The following APOL2 variants were observed in gnomAD, a reference collection of about 807,000 sequenced individuals.
APOL2 encodes the protein apolipoprotein L, 2.
A neutral mutation model predicts 7.1 loss-of-function variants in APOL2; 8 were observed. The ratio of observed to expected loss-of-function variants is 1.12; its 90% CI spans 0.66 to 2.03. The LOEUF (loss-of-function observed/expected upper bound fraction) is 2.03, where lower values mean the gene tolerates loss of function less well. APOL2 is among the 30% of genes most tolerant of loss of function. The pLI is 0.00. For missense variants in APOL2, 471 were observed against 415.1 expected (o/e 1.13, Z -1.17); for synonymous variants, 177 against 159.9 (o/e 1.11, Z -0.81).
At position 36,226,264 on chromosome 22, in the gene APOL2, C is replaced by A. The variant is rs563386436; in HGVS notation, c.*1140G>T. The stretch of plus-strand genomic sequence containing the variant: ...CACACAGGTCAATCCTGGGCAGCGA[C>A]AGGACAGCTCTAGAGATCTGTGCTT... On this transcript the variant is annotated 3_prime_UTR_variant, in exon 5 of 5. Coordinates refer to ENST00000358502, the MANE Select transcript of APOL2 (RefSeq NM_030882.4). 6.6e-6 allele frequency: 1 copy of A among 152,416 alleles called. No individual in the cohort carries two copies. Among genetic ancestry groups the A allele is most frequent in the East Asian group, 1.9e-4 (1 of 5,190 alleles). 9.4% of individuals were successfully genotyped at this position (152,416 alleles called of 1,614,324 possible). A position where few individuals can be genotyped will look rare whatever the true frequency, so the allele number is the denominator to read the frequency against.
chr22:36,232,435 G>C (rs2015254549), intron 3 of APOL2, among the ~76,000 whole-genome samples: 1 of 152,244 alleles, frequency 6.6e-6, no homozygotes, highest in Non-Finnish European at 1.5e-5. Flanking sequence ...ATCAACAGGG[G>C]ATAGATAGAG....
At chr22:36,230,909 A>G (rs11703957) in intron 4 of APOL2, among the ~76,000 whole-genome samples, 33,345 of 152,188 alleles carry the variant, frequency 0.22, 3,874 homozygotes, top group Middle Eastern at 0.26. Flanking sequence ...CTGGGCTCCC[A>G]TCTTCAAGAA....
intron 1 of APOL2, among the ~76,000 whole-genome samples, chr22:36,238,331 A>G (rs2015479817): frequency 6.6e-6 from 1 of 152,202 alleles, no homozygotes; most frequent in East Asian, 1.9e-4. Flanking sequence ...CTTGATGGGC[A>G]TCTCTTTTTG....
chr22:36,231,289 T>C, intron 4 of APOL2, 51 bp downstream of exon 4: 1 of 1,600,622 alleles, frequency 6.2e-7, no homozygotes, highest in Non-Finnish European at 8.5e-7. Context: ...CCAGGGGAGA[T>C]CTGAGTGGCA....
rs56009920 is a variant in APOL2, at chr22:36,227,315, CAAAAAAAAAA to C, written c.*79_*88del. 157 of 960,986 alleles carry C rather than the reference CAAAAAAAAAA, an allele frequency of 1.6e-4. No individual in the cohort carries two copies. The highest frequency in any genetic ancestry group is 1.1e-3 in the South Asian group (56 of 51,958). The allele number at this position is 960,986 out of a possible 1,614,324, so 59.5% of individuals were successfully genotyped here. ...TGGGCGATAGAGCGAGACTCCATCT[CAAAAAAAAAA>C]AAAAAAAAAAAAAAAAGTCTGCATT... On this transcript the variant is annotated 3_prime_UTR_variant, in exon 5 of 5. Coordinates refer to ENST00000358502, the MANE Select transcript of APOL2 (RefSeq NM_030882.4).
chr22:36,239,353 C>G, intron 1 of APOL2, 88 bp downstream of exon 1: 1 of 1,415,286 alleles, frequency 7.1e-7, no homozygotes, highest in Non-Finnish European at 9.5e-7. Flanking sequence ...CCTCTCTGAG[C>G]TTATCTACAA....
intron 1 of APOL2, 42 bp downstream of exon 1, chr22:36,239,399 A>G (rs1974458): frequency 0.28 from 422,861 of 1,502,504 alleles, 60,327 homozygotes; most frequent in Middle Eastern, 0.4. Flanking sequence ...AGCTATTGCA[A>G]GAATAAGGAC....
intron 1 of APOL2, among the ~76,000 whole-genome samples, chr22:36,235,324 C>T (rs149502551): frequency 1.9e-4 from 29 of 152,262 alleles, no homozygotes; most frequent in Non-Finnish European, 2.6e-4. Flanking sequence ...CCCCCCACCC[C>T]GTTCAATATG....
intron 3 of APOL2, among the ~76,000 whole-genome samples, chr22:36,232,291 G>T (rs2015249504): frequency 6.6e-6 from 1 of 152,066 alleles, no homozygotes; most frequent in African/African-American, 2.4e-5. Flanking sequence ...ATTTTTCTTT[G>T]ACAAGGGGTA....
chr22:36,239,815 G>GT, upstream of APOL2: 1 of 402,906 alleles, frequency 2.5e-6, no homozygotes, highest in African/African-American at 2.0e-5. Flanking sequence ...AGCCTGGGGA[G>GT]TTTTTTGAAC....
At chr22:36,229,537 A>G (rs1251492099) in intron 4 of APOL2, among the ~76,000 whole-genome samples, 1 of 152,230 alleles carries the variant, frequency 6.6e-6, no homozygotes, top group Non-Finnish European at 1.5e-5. Flanking sequence ...AAATCCTCCC[A>G]GACTCTGCCC....
chr22:36,233,183 C>CG lies in APOL2; in HGVS notation c.-22dup, dbSNP rs1569532723. 1 of 1,614,038 alleles carries CG rather than the reference C, an allele frequency of 6.2e-7. No homozygotes were observed. Among genetic ancestry groups the CG allele is most frequent in the South Asian group, 1.1e-5 (1 of 91,076 alleles). On this transcript the variant is annotated 5_prime_UTR_variant, in exon 3 of 5. Coordinates refer to ENST00000358502, the MANE Select transcript of APOL2 (RefSeq NM_030882.4). ...TTCATGGTGCCAGCGGCTGGGTTAC[C>CG]GAGGGGCTTTCCTTGGAGCTCTCCA...
chr22:36,239,078 C>G (rs2015511694), intron 1 of APOL2: 2 of 1,134,130 alleles, frequency 1.8e-6, no homozygotes, highest in South Asian at 2.8e-5. Context: ...ACCTCCCCTC[C>G]TCCACCTTCT....
intron 1 of APOL2, among the ~76,000 whole-genome samples, chr22:36,235,742 AGGGTGGGTGGGT>A (rs58628004): frequency 5.2e-4 from 58 of 111,528 alleles, no homozygotes; most frequent in South Asian, 9.4e-4. Flanking sequence ...GGAGGAAGAA[AGGGTGGGTGGGT>A]GGGTGTGTGT....
upstream of APOL2, chr22:36,239,864 T>G: frequency 3.6e-6 from 1 of 274,154 alleles, no homozygotes; most frequent in Non-Finnish European, 7.1e-6. Flanking sequence ...CGCCCCGATC[T>G]CTGCAGTTTA....
Position 36,238,112 on chromosome 22 carries a change from A to G in APOL2, c.-134+1329T>C, listed in dbSNP as rs574878368. On this transcript the variant is annotated intron_variant, in intron 1 of 4. Coordinates refer to ENST00000358502, the MANE Select transcript of APOL2 (RefSeq NM_030882.4). Reference sequence around the variant, plus strand: ...CTTTGGGCCTCTGTCTCCCCTTTAGACTCTGAACATTCAATGGGGACACTG... The same window carrying G: ...CTTTGGGCCTCTGTCTCCCCTTTAGGCTCTGAACATTCAATGGGGACACTG... Among the ~76,000 whole-genome samples the G allele has an allele frequency of 4.6e-4, 70 of 151,902 alleles. 1 individual carries two copies. Among genetic ancestry groups the G allele is most frequent in the African/African-American group, 1.5e-3 (63 of 41,372 alleles).
chr22:36,227,315 CAAAAAAAAAAAAAAA>C lies in APOL2; in HGVS notation c.*74_*88del, dbSNP rs56009920. On this transcript the variant is annotated 3_prime_UTR_variant, in exon 5 of 5. Coordinates refer to ENST00000358502, the MANE Select transcript of APOL2 (RefSeq NM_030882.4). ...TGGGCGATAGAGCGAGACTCCATCT[CAAAAAAAAAAAAAAA>C]AAAAAAAAAAAGTCTGCATTTTGTC... 8 of 961,134 alleles carry C rather than the reference CAAAAAAAAAAAAAAA, an allele frequency of 8.3e-6. No homozygotes were observed. In the African/African-American group the frequency reaches 1.7e-4, roughly 20 times the overall value. 59.5% of individuals were successfully genotyped at this position (961,134 alleles called of 1,614,324 possible).
At chr22:36,234,666 G>A (rs2015340687) in intron 1 of APOL2, among the ~76,000 whole-genome samples, 1 of 152,188 alleles carries the variant, frequency 6.6e-6, no homozygotes, top group Admixed American at 6.5e-5. Context: ...TCAAACTACA[G>A]CCATAGTCAA....
chr22:36,233,913 G>A (rs546454579), intron 1 of APOL2, among the ~76,000 whole-genome samples: 1 of 152,164 alleles, frequency 6.6e-6, no homozygotes, highest in South Asian at 2.1e-4. Context: ...TCTTCGTCTT[G>A]GTGAACTCAC....
Sources: gnomAD v4.1 joint callset for allele counts (sites outside exome capture counted in the v4.1 genomes callset) on GRCh38, gnomAD v4.1.1 for gene constraint, MANE v1.5 for transcripts, NCBI Gene and HGNC (gene_info 2026-07-23, HGNC 2026-07-21) for gene names.